Variants in DNAJC27 observed in about 807,000 individuals in gnomAD.
DNAJC27 encodes dnaJ homolog subfamily C member 27.
Under a neutral mutation model 31.4 loss-of-function variants are expected in DNAJC27, and 25 were observed. The ratio of observed to expected loss-of-function variants is 0.80; its 90% CI spans 0.58 to 1.11. The LOEUF (loss-of-function observed/expected upper bound fraction) is 1.11. Among genes scored for constraint, DNAJC27 ranks in the 50% most tolerant of loss-of-function variants. DNAJC27 has a pLI of 0.00. For missense variants in DNAJC27, 356 were observed against 347.3 expected (o/e 1.02, Z -0.20); for synonymous variants, 106 against 112.7 (o/e 0.94, Z 0.37).
chr2:24,961,698 G>C (rs911541298), intron 3 of DNAJC27, among the ~76,000 whole-genome samples: 3 of 152,080 alleles, frequency 2.0e-5, no homozygotes, highest in African/African-American at 7.2e-5. Flanking sequence ...CAGATGTGGT[G>C]GAAATAGGAA....
chr2:24,970,546 C>A (rs1416550634), intron 1 of DNAJC27, among the ~76,000 whole-genome samples: 5 of 150,338 alleles, frequency 3.3e-5, no homozygotes, highest in Non-Finnish European at 7.4e-5. Context: ...CTCACTGCAG[C>A]CTCTGCCTCC....
chr2:24,972,060 G>C (rs1666361170), upstream of DNAJC27: 5 of 542,288 alleles, frequency 9.2e-6, no homozygotes, highest in Non-Finnish European at 1.6e-5. Context: ...GCAGGCGCGG[G>C]CGGTTGGGAG....
upstream of DNAJC27, chr2:24,972,086 G>A (rs1408754264): frequency 4.2e-5 from 21 of 498,962 alleles, no homozygotes; most frequent in Non-Finnish European, 5.0e-5. Flanking sequence ...GGAGCCGGGG[G>A]AGGGAGACGG....
rs1016901003 is a variant in DNAJC27, at chr2:24,947,510, A to G, written c.*106T>C. Reference sequence around the variant, plus strand: ...ATATACAAATGACAACACATGAATGAAAAGAGCAGTGAGATTCTGGGAAGG... The same window carrying G: ...ATATACAAATGACAACACATGAATGGAAAGAGCAGTGAGATTCTGGGAAGG... On this transcript the variant is annotated 3_prime_UTR_variant, in exon 7 of 7. Coordinates refer to ENST00000264711, the MANE Select transcript of DNAJC27 (RefSeq NM_016544.3). 26 of 1,349,444 alleles carry G rather than the reference A, an allele frequency of 1.9e-5. No individual in the cohort carries two copies. Among genetic ancestry groups the G allele is most frequent in the Non-Finnish European group, 2.4e-5 (24 of 986,038 alleles). 83.6% of individuals were successfully genotyped at this position (1,349,444 alleles called of 1,614,324 possible).
chr2:24,949,692 T>C (rs1665721517), intron 6 of DNAJC27, among the ~76,000 whole-genome samples: 1 of 152,220 alleles, frequency 6.6e-6, no homozygotes, highest in Admixed American at 6.5e-5. Flanking sequence ...TATAGGGGCC[T>C]GTAAGTTCTG....
chr2:24,955,208 AAT>A (rs1435746278), intron 5 of DNAJC27, among the ~76,000 whole-genome samples: 1 of 152,216 alleles, frequency 6.6e-6, no homozygotes, highest in Non-Finnish European at 1.5e-5. Context: ...ATTAAAGGAA[AAT>A]ATACTCTTAA....
chr2:24,954,045 C>G (rs893525769), intron 5 of DNAJC27, among the ~76,000 whole-genome samples: 5 of 152,094 alleles, frequency 3.3e-5, no homozygotes, highest in African/African-American at 1.2e-4. Context: ...TCACAGAGAG[C>G]TGGAGTCTGA....
At position 24,967,312 on chromosome 2, in the gene DNAJC27, C is replaced by T. The variant is rs557475060; in HGVS notation, c.88-19G>A. The stretch of plus-strand genomic sequence containing the variant: ...TACAGCTCTAAAAAGGTAAAAAATA[C>T]AGGCATTTAGTAAATACATAGTGAG... On this transcript the variant is annotated intron_variant, in intron 1 of 6. Coordinates refer to ENST00000264711, the MANE Select transcript of DNAJC27 (RefSeq NM_016544.3). 1.2e-5 allele frequency: 19 copies of T among 1,529,050 alleles called. No individual in the cohort carries two copies. Among genetic ancestry groups the T allele is most frequent in the Non-Finnish European group, 1.7e-5 (19 of 1,104,206 alleles). 94.7% of individuals were successfully genotyped at this position (1,529,050 alleles called of 1,614,324 possible).
chr2:24,950,804 G>A (rs539417679), intron 6 of DNAJC27, among the ~76,000 whole-genome samples: 89 of 151,808 alleles, frequency 5.9e-4, no homozygotes, highest in African/African-American at 2.0e-3. Context: ...CTGAGATCAC[G>A]CCACTGCACT....
At chr2:24,947,904 C>G (rs1361616853) in intron 6 of DNAJC27, among the ~76,000 whole-genome samples, 156 bp from the exon 7 acceptor site, 1 of 152,132 alleles carries the variant, frequency 6.6e-6, no homozygotes, top group Admixed American at 6.5e-5. Flanking sequence ...AACAGACAAC[C>G]AACCAATAAA....
chr2:24,963,490 G>A lies in DNAJC27; in HGVS notation c.171-16C>T. 1 of 1,602,528 alleles carries A rather than the reference G, an allele frequency of 6.2e-7. No individual in the cohort carries two copies. The highest frequency in any genetic ancestry group is 1.3e-5 in the African/African-American group (1 of 74,720). On this transcript the variant is annotated splice_polypyrimidine_tract_variant and intron_variant, in intron 2 of 6. Coordinates refer to ENST00000264711, the MANE Select transcript of DNAJC27 (RefSeq NM_016544.3). Reference sequence around the variant, plus strand: ...GACGTGTACCCTGAAATGTTCAAATGGAAACAATCCGAAAGAAAGTCATGG... The same window carrying A: ...GACGTGTACCCTGAAATGTTCAAATAGAAACAATCCGAAAGAAAGTCATGG...
chr2:24,952,470 C>A (rs12151737), intron 5 of DNAJC27, among the ~76,000 whole-genome samples: 137,498 of 152,240 alleles, frequency 0.9, 62,291 homozygotes, highest in African/African-American at 0.97. Context: ...GTGTAGCTGT[C>A]CCATAATTTG....
intron 1 of DNAJC27, among the ~76,000 whole-genome samples, chr2:24,970,825 TG>T (rs753706154): frequency 4.0e-5 from 6 of 151,832 alleles, no homozygotes; most frequent in Non-Finnish European, 8.8e-5. Flanking sequence ...GTGAATACTA[TG>T]CTAGCACATA....
chr2:24,953,177 TCTC>T (rs1416259105), intron 5 of DNAJC27, among the ~76,000 whole-genome samples: 1 of 152,212 alleles, frequency 6.6e-6, no homozygotes, highest in Non-Finnish European at 1.5e-5. Flanking sequence ...AATGGACATA[TCTC>T]CTCCTAATTT....
At chr2:24,953,571 CTCT>C (rs1277155436) in intron 5 of DNAJC27, 9 of 391,056 alleles carry the variant, frequency 2.3e-5, no homozygotes, top group African/African-American at 6.5e-5. Flanking sequence ...TGTAATTATT[CTCT>C]TCTTGTTAGC....
rs1423730896 is a variant in DNAJC27, at chr2:24,944,006, A to G, written c.*3610T>C. ...CTCTAGAAAAGTTTAATGGAAAAAA[A>G]CGATGTACAAACAGTAAAACTGTAT... is the stretch of plus-strand genomic sequence containing the variant. On this transcript the variant is annotated 3_prime_UTR_variant, in exon 7 of 7. Coordinates refer to ENST00000264711, the MANE Select transcript of DNAJC27 (RefSeq NM_016544.3). 1 of 152,260 alleles carries G rather than the reference A, an allele frequency of 6.6e-6. No homozygotes were observed. The highest frequency in any genetic ancestry group is 6.5e-5 in the Admixed American group (1 of 15,294). The allele number at this position is 152,260 out of a possible 1,614,324, so 9.4% of individuals were successfully genotyped here. A position where few individuals can be genotyped will look rare whatever the true frequency, so the allele number is the denominator to read the frequency against.
chr2:24,959,000 T>A (rs974124764), intron 3 of DNAJC27, among the ~76,000 whole-genome samples: 1 of 152,210 alleles, frequency 6.6e-6, no homozygotes, highest in Admixed American at 6.5e-5. Context: ...TAGGCAGATA[T>A]CTGGACCAAG....
chr2:24,963,757 G>T (rs1354650294), intron 2 of DNAJC27, among the ~76,000 whole-genome samples: 1 of 152,168 alleles, frequency 6.6e-6, no homozygotes, highest in East Asian at 1.9e-4. Flanking sequence ...AACCAACAAA[G>T]GGTAGCTATT....
In DNAJC27 at chr2:24,964,788, TTAGA is replaced by T. The variant is rs149042291; in HGVS notation, c.171-1318_171-1315del. ...GGCATAATATGGTAATTCTCACATC[TTAGA>T]TAAATAAACTAGCTACTTATATGAA... On this transcript the variant is annotated intron_variant, in intron 2 of 6. Coordinates refer to ENST00000264711, the MANE Select transcript of DNAJC27 (RefSeq NM_016544.3). Among the ~76,000 whole-genome samples the T allele has an allele frequency of 2.8e-3, 420 of 152,312 alleles. 16 individuals are homozygous for T. The East Asian group carries it at 0.072, about 26-fold the overall frequency.
Sources: gnomAD v4.1 joint callset for allele counts (sites outside exome capture counted in the v4.1 genomes callset) on GRCh38, gnomAD v4.1.1 for gene constraint, MANE v1.5 for transcripts, NCBI Gene and HGNC (gene_info 2026-07-23, HGNC 2026-07-21) for gene names.